The following LNPEP variants were observed in gnomAD, a reference collection of about 807,000 sequenced individuals.
The protein encoded by LNPEP is leucyl and cystinyl aminopeptidase.
In LNPEP, 64 loss-of-function variants were observed where a neutral mutation model predicts 120.6. The ratio of observed to expected loss-of-function variants is 0.53; its 90% CI spans 0.43 to 0.65. The LOEUF (loss-of-function observed/expected upper bound fraction) is 0.65, where lower values mean the gene tolerates loss of function less well. Among genes scored for constraint, LNPEP ranks in the 30% least tolerant of loss-of-function variants. The pLI, the probability that LNPEP is intolerant of heterozygous loss-of-function variation, is 0.00. For missense variants in LNPEP, 1,057 were observed against 1,200.0 expected, an observed-to-expected ratio of 0.88 and a Z score of 1.76; for synonymous variants, 435 against 425.4, an observed-to-expected ratio of 1.02 and a Z score of -0.28.
At chr5:97,005,032 C>T (rs1790745437) in intron 9 of LNPEP, among the ~76,000 whole-genome samples, 1 of 152,174 alleles carries the variant, frequency 6.6e-6, no homozygotes, top group Non-Finnish European at 1.5e-5. Context: ...CACTTCAATA[C>T]TGCTTCGACA....
At chr5:97,010,309 A>G (rs922316233) in intron 11 of LNPEP, 6 of 975,486 alleles carry the variant, frequency 6.2e-6, no homozygotes, top group South Asian at 4.7e-5. Context: ...GGATATCACT[A>G]TCAGAAATAC....
intron 11 of LNPEP, among the ~76,000 whole-genome samples, chr5:97,013,440 A>G (rs942967465): frequency 1.3e-5 from 2 of 152,236 alleles, no homozygotes; most frequent in African/African-American, 2.4e-5. Flanking sequence ...CACCTAGCTT[A>G]CAGCCAATAT....
At chr5:96,966,285 C>T (rs999541357) in intron 1 of LNPEP, among the ~76,000 whole-genome samples, 1 of 151,862 alleles carries the variant, frequency 6.6e-6, no homozygotes, top group African/African-American at 2.4e-5. Context: ...TTGCATGAGA[C>T]GAGGAGTTTA....
chr5:97,016,295 C>T (rs1791068516), intron 13 of LNPEP, among the ~76,000 whole-genome samples: 1 of 152,136 alleles, frequency 6.6e-6, no homozygotes, highest in East Asian at 1.9e-4. Flanking sequence ...TAGTGACACT[C>T]AGTAAACGTT....
chr5:97,022,302 T>G lies in LNPEP; in HGVS notation c.2379T>G (p.Thr793=), dbSNP rs1209234651. The G allele has an allele frequency of 1.9e-6, 3 of 1,571,962 alleles. No homozygotes were observed. The highest frequency in any genetic ancestry group is 2.7e-5 in the African/African-American group (2 of 73,786). The part of the protein sequence containing the change: ...GYMDLASRLV[T]RVFKLLQNQI... The stretch of plus-strand genomic sequence containing the variant: ...TATAATCTATTTTGTCTCTCTAGAC[T>G]AGGGTATTTAAATTACTTCAAAACC... Residue 793 remains threonine (T), a splice_region_variant and synonymous_variant, in exon 14 of 18, where the codon ACT becomes ACG. Transcript: ENST00000231368.
intron 1 of LNPEP, among the ~76,000 whole-genome samples, chr5:96,978,686 C>A (rs1790055489): frequency 6.6e-6 from 1 of 152,090 alleles, no homozygotes; most frequent in African/African-American, 2.4e-5. Flanking sequence ...TCTGGGATTG[C>A]AGTGCCCAAA....
intron 13 of LNPEP, 143 bp from the exon 14 acceptor site, chr5:97,022,157 G>A: frequency 1.7e-6 from 1 of 584,414 alleles, no homozygotes; most frequent in Middle Eastern, 4.5e-4. Context: ...TCAAACTCCT[G>A]ACCTCAGGTG....
intron 13 of LNPEP, among the ~76,000 whole-genome samples, chr5:97,021,121 T>A (rs1288208055): frequency 6.6e-6 from 1 of 152,240 alleles, no homozygotes; most frequent in Non-Finnish European, 1.5e-5. Context: ...TTCAGTGTGA[T>A]AAGGTATTAT....
At chr5:96,976,175 T>C (rs185888791) in intron 1 of LNPEP, among the ~76,000 whole-genome samples, 2 of 152,272 alleles carry the variant, frequency 1.3e-5, no homozygotes, top group Admixed American at 1.3e-4. Context: ...TTCATGTATC[T>C]TCATGGGATA....
chr5:97,027,221 C>T (rs184794528), intron 16 of LNPEP, among the ~76,000 whole-genome samples: 104 of 152,046 alleles, frequency 6.8e-4, no homozygotes, highest in Admixed American at 2.2e-3. Flanking sequence ...GGCATGGTGG[C>T]GGGTGCCTGT....
At chr5:97,004,876 G>A (rs1790742223) in intron 9 of LNPEP, among the ~76,000 whole-genome samples, 1 of 152,212 alleles carries the variant, frequency 6.6e-6, no homozygotes, top group Middle Eastern at 3.4e-3. Flanking sequence ...TATACTTACT[G>A]TCTTAATCTG....
chr5:97,011,334 G>T, intron 11 of LNPEP: 1 of 273,780 alleles, frequency 3.7e-6, no homozygotes, highest in Non-Finnish European at 5.6e-6. Flanking sequence ...TTGACCTCAA[G>T]TGATACTCCT....
At chr5:97,012,638 C>G (rs1561451967) in intron 11 of LNPEP, among the ~76,000 whole-genome samples, 1 of 152,094 alleles carries the variant, frequency 6.6e-6, no homozygotes, top group African/African-American at 2.4e-5. Flanking sequence ...TAGAAGCATA[C>G]CCCATTATAA....
In LNPEP at chr5:96,936,093, G is replaced by A. The variant is rs1788853608; in HGVS notation, c.-63G>A. ...CTGGGCATGCTCAGTCAGCTGGGCC[G>A]CCTCAGCTCTCGGAGTAGGAAGCTC... On this transcript the variant is annotated 5_prime_UTR_variant, in exon 1 of 18. Transcript: ENST00000231368. 1.3e-6 allele frequency: 2 copies of A among 1,508,890 alleles called. No individual in the cohort carries two copies. Among genetic ancestry groups the A allele is most frequent in the Admixed American group, 2.1e-5 (1 of 47,978 alleles). 93.5% of individuals were successfully genotyped at this position (1,508,890 alleles called of 1,614,324 possible).
chr5:97,002,404 A>G (rs1004744821), intron 8 of LNPEP, among the ~76,000 whole-genome samples: 1 of 152,192 alleles, frequency 6.6e-6, no homozygotes, highest in Non-Finnish European at 1.5e-5. Flanking sequence ...ATGTTACAGT[A>G]TGAAGGGAAA....
intron 1 of LNPEP, among the ~76,000 whole-genome samples, chr5:96,954,760 ATATATATATATATTTT>A (rs1789413235): frequency 4.4e-5 from 2 of 45,288 alleles, no homozygotes; most frequent in African/African-American, 1.7e-4. Flanking sequence ...ATATATATAT[ATATATATATATATTTT>A]TTTTTTTTTT....
chr5:97,027,621 G>A lies in LNPEP; in HGVS notation c.2865-112G>A, dbSNP rs539873944. On this transcript the variant is annotated intron_variant, in intron 16 of 17. Coordinates refer to ENST00000231368, the MANE Select transcript of LNPEP (RefSeq NM_005575.3). ...CCCCGGTTTCCTCAGTTGCAGTTCCGGGAGGAGGATTCCACTCTGGCTTTG... is the reference window on the plus strand; with the variant it reads ...CCCCGGTTTCCTCAGTTGCAGTTCCAGGAGGAGGATTCCACTCTGGCTTTG... 25 of 679,230 alleles carry A rather than the reference G, an allele frequency of 3.7e-5. 1 individual carries two copies. The highest frequency in any genetic ancestry group is 1.3e-4 in the African/African-American group (7 of 55,870). The allele number at this position is 679,230 out of a possible 1,614,324, so 42.1% of individuals were successfully genotyped here. A position where few individuals can be genotyped will look rare whatever the true frequency, so the allele number is the denominator to read the frequency against.
chr5:96,971,934 A>G (rs1789874196), intron 1 of LNPEP, among the ~76,000 whole-genome samples: 1 of 152,152 alleles, frequency 6.6e-6, no homozygotes, highest in South Asian at 2.1e-4. Context: ...CACTAAATAC[A>G]ATGCAATATC....
At position 96,985,086 on chromosome 5, in the gene LNPEP, T is replaced by A. The variant is rs569636769; in HGVS notation, c.867T>A (p.Phe289Leu). 1.2e-6 allele frequency: 2 copies of A among 1,613,954 alleles called. No homozygotes were observed. Among genetic ancestry groups the A allele is most frequent in the East Asian group, 2.2e-5 (1 of 44,876 alleles). The change falls in exon 3 of 18, where the codon TTT (phenylalanine) becomes TTA (leucine). Residue 289 changes from phenylalanine (F) to leucine (L), a missense_variant. Transcript: ENST00000231368. ...YTDESNEKKY[F>L]AATQFEPLAA... is the part of the protein sequence containing the mutation. ...GAATTTGTGTTTGTTTTAGGTACTT[T>A]GCAGCAACTCAGTTTGAACCCCTGG...
Sources: gnomAD v4.1 joint callset for allele counts (sites outside exome capture counted in the v4.1 genomes callset) on GRCh38, gnomAD v4.1.1 for gene constraint, MANE v1.5 for transcripts, NCBI Gene and HGNC (gene_info 2026-07-23, HGNC 2026-07-21) for gene names.